CHD9: variants seen among roughly 807,000 people sequenced by gnomAD.
The protein encoded by CHD9 is chromodomain helicase DNA binding protein 9, also known as ATP-dependent chromatin remodeler CHD9.
A neutral mutation model predicts 316.1 loss-of-function variants in CHD9; 77 were observed. The observed-to-expected ratio is 0.24, with a 90% CI of 0.20 to 0.29. The LOEUF (loss-of-function observed/expected upper bound fraction) is 0.29. CHD9 is among the 10% of genes least tolerant of loss of function. The pLI, the probability that CHD9 is intolerant of heterozygous loss-of-function variation, is 1.00. For synonymous variants in CHD9, 1,129 were observed against 1,158.3 expected, an observed-to-expected ratio of 0.97 and a Z score of 0.51; for missense variants, 2,763 against 3,438.1, an observed-to-expected ratio of 0.80 and a Z score of 4.91.
At chr16:53,271,769 T>C (rs564121523) in intron 22 of CHD9, among the ~76,000 whole-genome samples, 1 of 152,102 alleles carries the variant, frequency 6.6e-6, no homozygotes, top group East Asian at 1.9e-4. Flanking sequence ...TAACAATATA[T>C]AATGAAATGA....
intron 1 of CHD9, among the ~76,000 whole-genome samples, chr16:53,075,394 T>G (rs2034437736): frequency 6.6e-6 from 1 of 152,136 alleles, no homozygotes; most frequent in African/African-American, 2.4e-5. Flanking sequence ...AAGATTGGTT[T>G]TGAAATGTGA....
At chr16:53,144,621 C>T (rs895520710) in intron 1 of CHD9, among the ~76,000 whole-genome samples, 13 of 151,704 alleles carry the variant, frequency 8.6e-5, no homozygotes, top group South Asian at 4.2e-4. Flanking sequence ...CTCTGCCTCC[C>T]GGGTTCAAGC....
At chr16:53,242,667 C>T (rs748835166) in intron 12 of CHD9, among the ~76,000 whole-genome samples, 173 bp from the exon 13 acceptor site, 4 of 151,902 alleles carry the variant, frequency 2.6e-5, no homozygotes, top group East Asian at 3.9e-4. Context: ...TTATTGAACA[C>T]GGCAATATAA....
chr16:53,312,547 T>G (rs1209734416), intron 34 of CHD9, among the ~76,000 whole-genome samples: 3 of 152,196 alleles, frequency 2.0e-5, no homozygotes, highest in Admixed American at 2.0e-4. Flanking sequence ...GATTTTGTGG[T>G]AAGACTGACC....
intron 1 of CHD9, among the ~76,000 whole-genome samples, chr16:53,148,297 G>A (rs561275642): frequency 1.2e-4 from 18 of 152,256 alleles, no homozygotes; most frequent in African/African-American, 4.3e-4. Context: ...AGGCAGAAGT[G>A]CAGTGACGCA....
At chr16:53,190,781 A>G (rs948886254) in intron 2 of CHD9, among the ~76,000 whole-genome samples, 6 of 152,216 alleles carry the variant, frequency 3.9e-5, no homozygotes, top group African/African-American at 1.4e-4. Flanking sequence ...CACTAACAAC[A>G]GGCCAGCATA....
intron 24 of CHD9, among the ~76,000 whole-genome samples, chr16:53,282,946 T>C (rs935345726): frequency 6.6e-6 from 1 of 152,276 alleles, no homozygotes; most frequent in Admixed American, 6.5e-5. Flanking sequence ...GTTCTCATCT[T>C]TGTGGCTTCA....
chr16:53,285,760 TCA>T, intron 25 of CHD9, 61 bp downstream of exon 25: 2 of 860,278 alleles, frequency 2.3e-6, no homozygotes, highest in Non-Finnish European at 3.7e-6. Context: ...CTGTCAGTTC[TCA>T]GTTCATTGAT....
intron 1 of CHD9, among the ~76,000 whole-genome samples, chr16:53,136,618 T>C (rs1053850905): frequency 2.0e-5 from 3 of 152,052 alleles, no homozygotes; most frequent in African/African-American, 7.2e-5. Context: ...GTTTTACAGT[T>C]GAAGCAACGG....
rs116012718 is a variant in CHD9, at chr16:53,187,087, G to A, written c.1453-22395G>A. On this transcript the variant is annotated intron_variant, in intron 2 of 38. Coordinates refer to ENST00000447540, the MANE Select transcript of CHD9 (RefSeq NM_001308319.2). ...ACAAAACAGAGTTAATAATGACTAG[G>A]TGGAGAAGGTCTACAGTCAGTGGAA... Among the ~76,000 whole-genome samples, 363 of 152,294 alleles carry A rather than the reference G, an allele frequency of 2.4e-3. 3 individuals carry two copies. Among genetic ancestry groups the A allele is most frequent in the African/African-American group, 8.5e-3 (352 of 41,558 alleles).
At position 53,157,026 on chromosome 16, in the gene CHD9, C is replaced by T. The variant is rs1177405545; in HGVS notation, c.937C>T (p.Pro313Ser). 1.9e-6 allele frequency: 3 copies of T among 1,612,670 alleles called. No homozygotes were observed. The highest frequency in any genetic ancestry group is 2.2e-5 in the East Asian group (1 of 44,886). ...SDFTGSNSFS[P>S]HRGIKQESTQ... ...TTTTACTGGAAGTAATTCCTTTTCA[C>T]CTCATAGAGGAATCAAGCAAGAATC... is the stretch of plus-strand genomic sequence containing the variant. Residue 313 changes from proline to serine, a missense_variant, in exon 2 of 39, where the codon CCT (proline) becomes TCT (serine). Physicochemically the swap from Pro to Ser is moderately conservative, Grantham distance 74. Coordinates refer to ENST00000447540, the MANE Select transcript of CHD9 (RefSeq NM_001308319.2).
In CHD9 at chr16:53,290,149, C is replaced by T. The variant is rs147306930; in HGVS notation, c.5248-1576C>T. On this transcript the variant is annotated intron_variant, in intron 27 of 38. Coordinates refer to ENST00000447540, the MANE Select transcript of CHD9 (RefSeq NM_001308319.2). ...ATTAGCCAGGCATGGTGGCATGTACCTGTAATCCCAGCTACTTGGGAGGCT... is the reference window on the plus strand; with the variant it reads ...ATTAGCCAGGCATGGTGGCATGTACTTGTAATCCCAGCTACTTGGGAGGCT... 4.5e-3 allele frequency among the ~76,000 whole-genome samples: 688 copies of T among 152,248 alleles called. 2 individuals carry two copies. The highest frequency in any genetic ancestry group is 0.015 in the African/African-American group (625 of 41,548).
In CHD9 at chr16:53,204,019, A is replaced by G. The variant is rs1364489364; in HGVS notation, c.1453-5463A>G. ...AGCCTGGGCGACAGAGCAAGACTCCATCTCAAAAAAAAAAAAAAAAAAAAA... is the reference window on the plus strand; with the variant it reads ...AGCCTGGGCGACAGAGCAAGACTCCGTCTCAAAAAAAAAAAAAAAAAAAAA... On this transcript the variant is annotated intron_variant, in intron 2 of 38. Coordinates refer to ENST00000447540, the MANE Select transcript of CHD9 (RefSeq NM_001308319.2). 1.1e-3 allele frequency among the ~76,000 whole-genome samples: 113 copies of G among 102,618 alleles called. 1 individual carries two copies. The highest frequency in any genetic ancestry group is 4.4e-3 in the African/African-American group (109 of 24,764). The allele number at this position is 102,618 out of a possible 152,430, so 67.3% of individuals were successfully genotyped here. A position where few individuals can be genotyped will look rare whatever the true frequency, so the allele number is the denominator to read the frequency against.
At chr16:53,258,212 G>C (rs909260991) in intron 19 of CHD9, among the ~76,000 whole-genome samples, 1 of 152,084 alleles carries the variant, frequency 6.6e-6, no homozygotes, top group Non-Finnish European at 1.5e-5. Flanking sequence ...CTTTAAAGAG[G>C]AGGTCATAAT....
At chr16:53,270,284 T>G (rs1229700759) in intron 22 of CHD9, among the ~76,000 whole-genome samples, 2 of 151,848 alleles carry the variant, frequency 1.3e-5, no homozygotes, top group Non-Finnish European at 2.9e-5. Flanking sequence ...GGGGCTTTAT[T>G]TAGATCCTGA....
At chr16:53,153,308 A>G (rs1276980210) in intron 1 of CHD9, among the ~76,000 whole-genome samples, 1 of 152,180 alleles carries the variant, frequency 6.6e-6, no homozygotes, top group East Asian at 1.9e-4. Flanking sequence ...AAGATGAGAG[A>G]AATAGCAGCT....
chr16:53,218,109 G>T (rs765265471), intron 3 of CHD9, among the ~76,000 whole-genome samples: 11 of 152,022 alleles, frequency 7.2e-5, no homozygotes, highest in Non-Finnish European at 5.9e-5. Flanking sequence ...GAAAAGGCAC[G>T]TGTAACATTT....
intron 24 of CHD9, among the ~76,000 whole-genome samples, chr16:53,276,662 T>C (rs550964640): frequency 5.3e-5 from 8 of 152,286 alleles, no homozygotes; most frequent in Admixed American, 2.6e-4. Flanking sequence ...GACTTTACTC[T>C]TACCTTTCTG....
Position 53,156,443 on chromosome 16 carries a change from A to G in CHD9, c.354A>G (p.Val118=). 1.2e-6 allele frequency: 2 copies of G among 1,614,020 alleles called. No individual in the cohort carries two copies. The highest frequency in any genetic ancestry group is 1.7e-6 in the Non-Finnish European group (2 of 1,179,886). ...QNQPNGLFPD[V]SDGSPMWGHQ... ...AACCCAATGGTTTGTTTCCAGATGT[A>G]TCAGATGGCAGTCCAATGTGGGGCC... The change falls in exon 2 of 39, where the codon GTA becomes GTG. Residue 118 remains valine (V), a synonymous_variant. Transcript: ENST00000447540.
Sources: gnomAD v4.1 joint callset for allele counts (sites outside exome capture counted in the v4.1 genomes callset) on GRCh38, gnomAD v4.1.1 for gene constraint, MANE v1.5 for transcripts, NCBI Gene and HGNC (gene_info 2026-07-23, HGNC 2026-07-21) for gene names.